The following CCBE1 variants were observed in gnomAD, a reference collection of about 807,000 sequenced individuals.
CCBE1 encodes collagen and calcium-binding EGF domain-containing protein 1.
In CCBE1, 37 loss-of-function variants were observed where a neutral mutation model predicts 50.0. The observed-to-expected ratio is 0.74, with a 90% confidence interval of 0.57 to 0.97. The LOEUF is 0.97. Ranked by LOEUF, CCBE1 falls within the 50% of genes least tolerant of loss-of-function variation. The probability of loss-of-function intolerance (pLI) is 0.00; values close to 1 mark genes in which losing one functional copy is unlikely to be tolerated. For synonymous variants in CCBE1, 234 were observed against 203.7 expected, an observed-to-expected ratio of 1.15 and a Z score of -1.27; for missense variants, 538 against 523.8, an observed-to-expected ratio of 1.03 and a Z score of -0.26.
chr18:59,663,571 T>C (rs2054314634), intron 2 of CCBE1, among the ~76,000 whole-genome samples: 1 of 151,870 alleles, frequency 6.6e-6, no homozygotes, highest in Admixed American at 6.6e-5. Context: ...TGTCAGCGGG[T>C]AGACCAAGCC....
intron 2 of CCBE1, among the ~76,000 whole-genome samples, chr18:59,528,089 T>C (rs993716018): frequency 3.3e-5 from 5 of 152,218 alleles, no homozygotes; most frequent in African/African-American, 7.2e-5. Flanking sequence ...CTTGGCTCTG[T>C]TCTCCCCTTC....
intron 2 of CCBE1, among the ~76,000 whole-genome samples, chr18:59,548,139 G>A (rs554667245): frequency 1.6e-4 from 25 of 152,174 alleles, no homozygotes; most frequent in Non-Finnish European, 2.5e-4. Context: ...AGACAGTCTC[G>A]TCTTATGAGT....
At chr18:59,605,153 C>T (rs1599055397) in intron 2 of CCBE1, among the ~76,000 whole-genome samples, 1 of 152,152 alleles carries the variant, frequency 6.6e-6, no homozygotes, top group East Asian at 1.9e-4. Flanking sequence ...ACAGAGGCTG[C>T]TCCCCCTAGG....
chr18:59,520,391 C>T (rs995472487), intron 2 of CCBE1, among the ~76,000 whole-genome samples: 2 of 152,120 alleles, frequency 1.3e-5, no homozygotes, highest in African/African-American at 4.8e-5. Context: ...CTTTGCATCC[C>T]TTGGTCCGTC....
chr18:59,521,354 C>T (rs1914590505), intron 2 of CCBE1, among the ~76,000 whole-genome samples: 1 of 152,162 alleles, frequency 6.6e-6, no homozygotes. Flanking sequence ...GTTGTGGTGA[C>T]AATAAAGAAA....
chr18:59,503,458 C>A (rs1001410879), intron 2 of CCBE1, among the ~76,000 whole-genome samples: 1 of 152,118 alleles, frequency 6.6e-6, no homozygotes, highest in Non-Finnish European at 1.5e-5. Flanking sequence ...AAATTGGAGG[C>A]CAGATCTGCC....
chr18:59,687,286 A>G (rs2054668189), intron 2 of CCBE1, among the ~76,000 whole-genome samples: 1 of 152,194 alleles, frequency 6.6e-6, no homozygotes, highest in African/African-American at 2.4e-5. Context: ...CTATCTATGC[A>G]CCTTTCTAAG....
chr18:59,562,420 A>G (rs1206693270), intron 2 of CCBE1, among the ~76,000 whole-genome samples: 1 of 152,192 alleles, frequency 6.6e-6, no homozygotes, highest in Non-Finnish European at 1.5e-5. Context: ...CTAGAAAATC[A>G]ACCAGCTGCA....
rs774596513 is a variant in CCBE1, at chr18:59,454,871, C to T, written c.634G>A (p.Val212Met). 1.2e-5 allele frequency: 19 copies of T among 1,614,060 alleles called. No individual in the cohort carries two copies. The highest frequency in any genetic ancestry group is 1.6e-4 in the Middle Eastern group (1 of 6,084). ...CKEFYQMKQT[V>M]LQLKQKIALL... The stretch of plus-strand genomic sequence containing the variant: ...CGTACCTTTTGCTTCAGCTGCAGCA[C>T]GGTCTGCTTCATCTGGTAGAACTCC... The change falls in exon 6 of 11, where the codon GTG (valine) becomes ATG (methionine). Residue 212 changes from valine (V) to methionine (M), a missense_variant. Transcript: ENST00000439986.
chr18:59,548,594 T>C (rs926882869), intron 2 of CCBE1, among the ~76,000 whole-genome samples: 1 of 152,124 alleles, frequency 6.6e-6, no homozygotes, highest in African/African-American at 2.4e-5. Context: ...GTCATGCAAA[T>C]GAAATCACCA....
chr18:59,694,471 C>T (rs1422547335), intron 2 of CCBE1, among the ~76,000 whole-genome samples: 4 of 152,188 alleles, frequency 2.6e-5, no homozygotes, highest in African/African-American at 9.7e-5. Context: ...CTTTAAGGAT[C>T]TGTCTAAATA....
At chr18:59,441,365 T>G (rs1910413144) in intron 7 of CCBE1, among the ~76,000 whole-genome samples, 1 of 151,366 alleles carries the variant, frequency 6.6e-6, no homozygotes, top group Non-Finnish European at 1.5e-5. Flanking sequence ...CAAAAATTAG[T>G]CAGGTGTGGT....
At chr18:59,518,397 C>T (rs909606750) in intron 2 of CCBE1, among the ~76,000 whole-genome samples, 7 of 152,082 alleles carry the variant, frequency 4.6e-5, no homozygotes, top group Non-Finnish European at 5.9e-5. Context: ...AGGCTGTGGC[C>T]GAAGGATCAC....
intron 2 of CCBE1, among the ~76,000 whole-genome samples, chr18:59,633,210 A>C (rs2053872669): frequency 6.6e-6 from 1 of 152,230 alleles, no homozygotes; most frequent in African/African-American, 2.4e-5. Flanking sequence ...GTATTTATGC[A>C]ATTACACAAG....
chr18:59,444,526 T>G (rs1910586676), intron 7 of CCBE1, among the ~76,000 whole-genome samples: 1 of 149,160 alleles, frequency 6.7e-6, no homozygotes, highest in Admixed American at 6.7e-5. Context: ...TTCTCGGTGG[T>G]TTTTTTTTGA....
At chr18:59,558,902 C>A (rs763838092) in intron 2 of CCBE1, among the ~76,000 whole-genome samples, 12 of 152,226 alleles carry the variant, frequency 7.9e-5, no homozygotes, top group Non-Finnish European at 1.6e-4. Flanking sequence ...TTGAAGAGAG[C>A]TACTGCTGAA....
chr18:59,605,378 T>C (rs957318427), intron 2 of CCBE1, among the ~76,000 whole-genome samples: 16 of 152,116 alleles, frequency 1.1e-4, no homozygotes, highest in African/African-American at 3.9e-4. Context: ...GGTGGGTCGA[T>C]GGTTGGAATA....
chr18:59,607,465 G>A (rs1166333601), intron 2 of CCBE1, among the ~76,000 whole-genome samples: 1 of 152,128 alleles, frequency 6.6e-6, no homozygotes, highest in African/African-American at 2.4e-5. Context: ...TGAACTATGG[G>A]GCACAACTCC....
intron 2 of CCBE1, among the ~76,000 whole-genome samples, chr18:59,488,583 T>C (rs1280103868): frequency 1.3e-5 from 2 of 152,146 alleles, no homozygotes; most frequent in African/African-American, 4.8e-5. Flanking sequence ...ATTAATCAAA[T>C]ACCTCCTCAA....
Sources: gnomAD v4.1 joint callset for allele counts (sites outside exome capture counted in the v4.1 genomes callset) on GRCh38, gnomAD v4.1.1 for gene constraint, MANE v1.5 for transcripts, NCBI Gene and HGNC (gene_info 2026-07-23, HGNC 2026-07-21) for gene names.